The following TECPR2 variants were observed in gnomAD, a reference collection of about 807,000 sequenced individuals.
TECPR2 encodes tectonin beta-propeller repeat-containing protein 2.
In TECPR2, 65 loss-of-function variants were observed where a neutral mutation model predicts 138.1. That is an observed-to-expected ratio of 0.47 (90% CI 0.39 to 0.58). TECPR2 has a LOEUF of 0.58. Among genes scored for constraint, TECPR2 ranks in the 20% least tolerant of loss-of-function variants. TECPR2 has a pLI of 0.00. For synonymous variants in TECPR2, 746 were observed against 749.8 expected (o/e 0.99, Z 0.08); for missense variants, 1,553 against 1,824.5 (o/e 0.85, Z 2.71).
chr14:102,486,484 C>T (rs1429929242), intron 17 of TECPR2, among the ~76,000 whole-genome samples: 1 of 152,164 alleles, frequency 6.6e-6, no homozygotes, highest in Non-Finnish European at 1.5e-5. Context: ...GCTGTCCAGC[C>T]TTAAATAAAA....
intron 13 of TECPR2, among the ~76,000 whole-genome samples, chr14:102,446,687 G>T (rs769114887): frequency 5.3e-5 from 8 of 152,106 alleles, no homozygotes. Flanking sequence ...ACCACTCCCA[G>T]CCAATAGTAT....
intron 1 of TECPR2, among the ~76,000 whole-genome samples, chr14:102,364,697 A>G (rs577113930): frequency 6.6e-6 from 1 of 152,110 alleles, no homozygotes; most frequent in African/African-American, 2.4e-5. Context: ...TTTTTTTTCC[A>G]ATTTTTTCTT....
At chr14:102,480,394 T>C (rs998653419) in intron 17 of TECPR2, among the ~76,000 whole-genome samples, 1 of 151,936 alleles carries the variant, frequency 6.6e-6, no homozygotes, top group African/African-American at 2.4e-5. Context: ...CTGGCTAATG[T>C]TTTGTGTTTT....
intron 10 of TECPR2, among the ~76,000 whole-genome samples, chr14:102,439,522 T>C (rs1238388599): frequency 6.6e-6 from 1 of 152,248 alleles, no homozygotes; most frequent in East Asian, 1.9e-4. Context: ...TTCTCGTTGG[T>C]ATCATTTACC....
intron 2 of TECPR2, among the ~76,000 whole-genome samples, chr14:102,406,392 C>CA (rs1033847241): frequency 2.0e-5 from 3 of 151,582 alleles, no homozygotes; most frequent in Non-Finnish European, 4.4e-5. Flanking sequence ...ACTAAAAATA[C>CA]AAAAAAAGCG....
intron 16 of TECPR2, among the ~76,000 whole-genome samples, chr14:102,464,116 C>G (rs1890488434): frequency 6.6e-6 from 1 of 152,150 alleles, no homozygotes; most frequent in Non-Finnish European, 1.5e-5. Context: ...CTCAGCAGAT[C>G]TCTTTCTGGC....
intron 9 of TECPR2, 114 bp downstream of exon 9, chr14:102,435,325 A>C: frequency 7.1e-7 from 1 of 1,418,070 alleles, no homozygotes; most frequent in Non-Finnish European, 9.4e-7. Flanking sequence ...CTACTGCAAA[A>C]TCCGTAGGCC....
intron 2 of TECPR2, among the ~76,000 whole-genome samples, chr14:102,400,437 A>G (rs1192376706): frequency 6.6e-6 from 1 of 152,198 alleles, no homozygotes; most frequent in African/African-American, 2.4e-5. Flanking sequence ...GGTTTGGGGC[A>G]CACAGTTTAT....
At chr14:102,373,603 T>G (rs182297936) in intron 1 of TECPR2, among the ~76,000 whole-genome samples, 104 of 152,348 alleles carry the variant, frequency 6.8e-4, no homozygotes, top group African/African-American at 2.4e-3. Flanking sequence ...CCATTGTAAG[T>G]TGAGGAGCAT....
intron 16 of TECPR2, among the ~76,000 whole-genome samples, chr14:102,457,754 C>T (rs913281910): frequency 6.6e-6 from 1 of 151,678 alleles, no homozygotes; most frequent in Non-Finnish European, 1.5e-5. Context: ...GGGGTGCACA[C>T]AGCAATGAAT....
chr14:102,428,099 G>A (rs1889373181), intron 6 of TECPR2, 151 bp from the exon 7 acceptor site: 2 of 1,140,164 alleles, frequency 1.8e-6, no homozygotes, highest in African/African-American at 3.2e-5. Context: ...CCTAACTTTG[G>A]ATTGAATTGG....
At chr14:102,421,818 G>C (rs542955008) in intron 5 of TECPR2, among the ~76,000 whole-genome samples, 1 of 152,310 alleles carries the variant, frequency 6.6e-6, no homozygotes, top group Admixed American at 6.5e-5. Context: ...GTCCAGAAAA[G>C]TTCAATAATT....
At chr14:102,404,702 G>A (rs1888606890) in intron 2 of TECPR2, among the ~76,000 whole-genome samples, 1 of 151,286 alleles carries the variant, frequency 6.6e-6, no homozygotes. Context: ...TCAGCCTCCC[G>A]AGTAGCTGGG....
chr14:102,416,754 T>TGG (rs951215186), intron 5 of TECPR2, among the ~76,000 whole-genome samples: 2 of 151,968 alleles, frequency 1.3e-5, no homozygotes, highest in Non-Finnish European at 2.9e-5. Context: ...GAGGCCAAGG[T>TGG]GGGCGGGTCA....
In TECPR2 at chr14:102,452,553, A is replaced by C; in HGVS notation, c.3566A>C (p.Gln1189Pro). The C allele has an allele frequency of 1.2e-6, 2 of 1,611,046 alleles. No individual in the cohort carries two copies. Among genetic ancestry groups the C allele is most frequent in the Non-Finnish European group, 1.7e-6 (2 of 1,179,138 alleles). Residue 1189 changes from glutamine (Q) to proline (P), a missense_variant, in exon 16 of 20, where the codon CAG (glutamine) becomes CCG (proline). Transcript: ENST00000359520. ...DALWALDSLG[Q>P]VFIRTLSKSC... ...CTGTGGGCGCTGGACAGCCTCGGCC[A>C]GGTGTTCATCAGGACGCTCTCCAAG...
intron 11 of TECPR2, among the ~76,000 whole-genome samples, chr14:102,441,182 A>G (rs1889820168): frequency 6.6e-6 from 1 of 152,156 alleles, no homozygotes; most frequent in Non-Finnish European, 1.5e-5. Context: ...CTCCTGCCTC[A>G]GCTTCCTGAT....
chr14:102,465,234 C>G lies in TECPR2; in HGVS notation c.3734C>G (p.Pro1245Arg), dbSNP rs374436956. ...GTTTACTTCCGTGTAGGGACTCAGC[C>G]TCTCAATCCCAGTCTCATGCTTCCA... ...GGVYFRVGTQ[P>R]LNPSLMLPAW... The change falls in exon 17 of 20, where the codon CCT becomes CGT. Residue 1245 changes from proline to arginine, a missense_variant. Transcript: ENST00000359520. 6.2e-7 allele frequency: 1 copy of G among 1,614,006 alleles called. No homozygotes were observed. Among genetic ancestry groups the G allele is most frequent in the Admixed American group, 1.7e-5 (1 of 59,980 alleles).
At chr14:102,453,670 A>G (rs1344942398) in intron 16 of TECPR2, among the ~76,000 whole-genome samples, 6 of 152,144 alleles carry the variant, frequency 3.9e-5, no homozygotes, top group Non-Finnish European at 7.4e-5. Flanking sequence ...CAGGGCCCGG[A>G]TGAGCCCTGC....
rs754075634 is a variant in TECPR2, at chr14:102,432,155, A to G, written c.1417+27A>G. ...TACCCTCTGTAGCTGGCACACACCCATCTGGGGTTACAGTCTTTCCAGATT... is the reference window on the plus strand; with the variant it reads ...TACCCTCTGTAGCTGGCACACACCCGTCTGGGGTTACAGTCTTTCCAGATT... On this transcript the variant is annotated intron_variant, in intron 8 of 19. Transcript: ENST00000359520. 2.0e-6 allele frequency: 3 copies of G among 1,483,314 alleles called. No homozygotes were observed. In the Admixed American group the frequency reaches 7.1e-5, roughly 35 times the overall value. The allele number at this position is 1,483,314 out of a possible 1,614,324, so 91.9% of individuals were successfully genotyped here. A position where few individuals can be genotyped will look rare whatever the true frequency, so the allele number is the denominator to read the frequency against.
Sources: allele counts gnomAD v4.1 joint callset (sites outside exome capture counted in the v4.1 genomes callset), GRCh38; gene constraint gnomAD v4.1.1; transcripts MANE v1.5; gene names NCBI Gene and HGNC (gene_info 2026-07-23, HGNC 2026-07-21).